CDC42BPG: variants seen among roughly 807,000 people sequenced by gnomAD.
CDC42BPG encodes serine/threonine-protein kinase MRCK gamma.
In CDC42BPG, 157 loss-of-function variants were observed where a neutral mutation model predicts 192.2. The ratio of observed to expected loss-of-function variants is 0.82; its 90% CI spans 0.72 to 0.93. CDC42BPG has a LOEUF of 0.93. Ranked by LOEUF, CDC42BPG falls within the 40% of genes least tolerant of loss-of-function variation. The pLI is 0.00. For synonymous variants in CDC42BPG, 981 were observed against 918.5 expected, an observed-to-expected ratio of 1.07 and a Z score of -1.23; for missense variants, 1,992 against 2,122.1, an observed-to-expected ratio of 0.94 and a Z score of 1.20.
At position 64,827,790 on chromosome 11, in the gene CDC42BPG, G is replaced by A. The variant is rs1942505161; in HGVS notation, c.3968-7C>T. Reference sequence around the variant, plus strand: ...AGGTAGGGGGCCGCATACCCTGCGGGCACGCCAGGCACCTCTGAGCTGTTT... The same window carrying A: ...AGGTAGGGGGCCGCATACCCTGCGGACACGCCAGGCACCTCTGAGCTGTTT... On this transcript the variant is annotated splice_region_variant and splice_polypyrimidine_tract_variant and intron_variant, in intron 30 of 36. Transcript: ENST00000342711. 6.3e-7 allele frequency: 1 copy of A among 1,593,522 alleles called. No individual in the cohort carries two copies. The highest frequency in any genetic ancestry group is 8.6e-7 in the Non-Finnish European group (1 of 1,169,010).
chr11:64,827,439 C>T (rs1424424304), intron 32 of CDC42BPG, 41 bp from the exon 33 acceptor site: 1 of 1,605,410 alleles, frequency 6.2e-7, no homozygotes. Flanking sequence ...TCACACATTC[C>T]CGGGGCCCAG....
intron 23 of CDC42BPG, 59 bp downstream of exon 23, chr11:64,833,541 C>A: frequency 6.7e-7 from 1 of 1,484,928 alleles, no homozygotes; most frequent in East Asian, 2.3e-5. Context: ...CCACAGTGCC[C>A]ATTCAGCCTG....
chr11:64,839,434 C>A (rs753180147), intron 6 of CDC42BPG, 44 bp downstream of exon 6: 2 of 699,948 alleles, frequency 2.9e-6, no homozygotes, highest in South Asian at 3.4e-5. Context: ...GAGAGCTTGG[C>A]CCGCCTTGTA....
chr11:64,836,536 A>G lies in CDC42BPG; in HGVS notation c.1385-6T>C, dbSNP rs767192966. The G allele has an allele frequency of 4.4e-5, 71 of 1,611,966 alleles. No individual in the cohort carries two copies. The East Asian group carries it at 8.9e-4, about 20-fold the overall frequency. ...GGCCTTGTCCCTCAGCATCTCTGCCAGGAAGAGTCACTGAGACCTCGAGTG... is the reference window on the plus strand; with the variant it reads ...GGCCTTGTCCCTCAGCATCTCTGCCGGGAAGAGTCACTGAGACCTCGAGTG... On this transcript the variant is annotated splice_region_variant and splice_polypyrimidine_tract_variant and intron_variant, in intron 11 of 36. Transcript: ENST00000342711.
In CDC42BPG at chr11:64,824,298, G is replaced by A; in HGVS notation, c.*175C>T. On this transcript the variant is annotated 3_prime_UTR_variant, in exon 37 of 37. Transcript: ENST00000342711. Reference sequence around the variant, plus strand: ...GGGTAAGGCAGGATGAGGGCTGGGAGTCAGGACCCCCAAGTCCTGGGAACC... The same window carrying A: ...GGGTAAGGCAGGATGAGGGCTGGGAATCAGGACCCCCAAGTCCTGGGAACC... The A allele has an allele frequency of 1.4e-6, 1 of 690,340 alleles. No homozygotes were observed. Among genetic ancestry groups the A allele is most frequent in the South Asian group, 1.6e-5 (1 of 61,332 alleles). 42.8% of individuals were successfully genotyped at this position (690,340 alleles called of 1,614,324 possible).
rs201204707 is a variant in CDC42BPG, at chr11:64,827,114, T to C, written c.4325A>G (p.Asn1442Ser). The C allele has an allele frequency of 4.5e-5, 72 of 1,613,958 alleles. 1 individual carries two copies. Among genetic ancestry groups the C allele is most frequent in the Non-Finnish European group, 5.7e-5 (67 of 1,179,992 alleles). The change falls in exon 34 of 37, where the codon AAC becomes AGC. Residue 1442 changes from asparagine to serine, a missense_variant. Asn to Ser is a conservative substitution (Grantham distance 46). Around this residue, in one of 2 missense-constraint regions of CDC42BPG, gnomAD observed 336 missense variants for 277.9 expected, o/e 1.21. Transcript: ENST00000342711. The part of the protein sequence containing the change: ...VRSKLISPPT[N>S]FNHLVHVGPA... The stretch of plus-strand genomic sequence containing the variant: ...GCCCACGTGTACTAGGTGGTTGAAG[T>C]TGGTAGGCGGCGAGATGAGCTTGGA...
intron 36 of CDC42BPG, 78 bp downstream of exon 36, chr11:64,826,392 C>T (rs1942416147): frequency 1.0e-6 from 1 of 980,398 alleles, no homozygotes; most frequent in Non-Finnish European, 1.6e-6. Context: ...TAGCCTAGGT[C>T]ACTGTGCAAG....
intron 28 of CDC42BPG, 64 bp from the exon 29 acceptor site, chr11:64,830,320 G>GGTGGACTGCCCAA: frequency 2.2e-6 from 3 of 1,342,342 alleles, no homozygotes; most frequent in Non-Finnish European, 3.1e-6. Flanking sequence ...AGATTGGGCA[G>GGTGGACTGCCCAA]TCCACCTGCC....
At position 64,826,760 on chromosome 11, in the gene CDC42BPG, G is replaced by A; in HGVS notation, c.4424C>T (p.Ser1475Phe). Residue 1475 changes from serine to phenylalanine, a missense_variant, in exon 35 of 37, where the codon TCC becomes TTC. This residue lies in a region of CDC42BPG where 336 missense variants were observed against 277.9 expected (regional missense o/e 1.21). Coordinates refer to ENST00000342711, the MANE Select transcript of CDC42BPG (RefSeq NM_017525.3). ...PEEKGRVARG[S>F]GPQRPHSFSE... The stretch of plus-strand genomic sequence containing the variant: ...GAAGCTGTGGGGCCGCTGTGGGCCG[G>A]AGCCGCGGGCAACTCGGCCCTTCTC... The A allele has an allele frequency of 2.0e-6, 3 of 1,532,026 alleles. No homozygotes were observed. The highest frequency in any genetic ancestry group is 2.6e-6 in the Non-Finnish European group (3 of 1,140,552). 94.9% of individuals were successfully genotyped at this position (1,532,026 alleles called of 1,614,324 possible). A position where few individuals can be genotyped will look rare whatever the true frequency, so the allele number is the denominator to read the frequency against.
intron 35 of CDC42BPG, 55 bp downstream of exon 35, chr11:64,826,616 G>A: frequency 1.3e-6 from 2 of 1,591,512 alleles, no homozygotes; most frequent in Non-Finnish European, 1.7e-6. Flanking sequence ...GATCCAAAGG[G>A]GGTAGAAACT....
chr11:64,837,091 C>G, intron 9 of CDC42BPG, 72 bp from the exon 10 acceptor site: 1 of 1,259,768 alleles, frequency 7.9e-7, no homozygotes, highest in Non-Finnish European at 1.2e-6. Flanking sequence ...CCTCCTGGAC[C>G]GAATCACTCA....
intron 1 of CDC42BPG, among the ~76,000 whole-genome samples, chr11:64,842,163 A>T (rs1943310875): frequency 6.6e-6 from 1 of 152,162 alleles, no homozygotes; most frequent in Non-Finnish European, 1.5e-5. Context: ...GACTCTAGGC[A>T]GCCTCCATCC....
chr11:64,844,597 C>T lies in CDC42BPG; in HGVS notation c.-28G>A, dbSNP rs1943423855. ...CTGCGGCCGGAGCCTCGCTGCTCGGCTACAGTCTGGCCGCCCGCATGCCCG... is the reference window on the plus strand; with the variant it reads ...CTGCGGCCGGAGCCTCGCTGCTCGGTTACAGTCTGGCCGCCCGCATGCCCG... On this transcript the variant is annotated 5_prime_UTR_variant, in exon 1 of 37. An upstream open reading frame in the 5' UTR loses its in-frame stop. Transcript: ENST00000342711. The T allele has an allele frequency of 8.0e-7, 1 of 1,248,188 alleles. No homozygotes were observed. Among genetic ancestry groups the T allele is most frequent in the African/African-American group, 1.6e-5 (1 of 63,902 alleles). The allele number at this position is 1,248,188 out of a possible 1,614,324, so 77.3% of individuals were successfully genotyped here. A position where few individuals can be genotyped will look rare whatever the true frequency, so the allele number is the denominator to read the frequency against.
chr11:64,825,292 C>G (rs944479000), intron 36 of CDC42BPG, among the ~76,000 whole-genome samples: 1 of 152,136 alleles, frequency 6.6e-6, no homozygotes, highest in African/African-American at 2.4e-5. Flanking sequence ...AAGAATGAAG[C>G]CTGACCCCCA....
At chr11:64,842,012 G>T (rs1334093555) in intron 1 of CDC42BPG, 108 bp from the exon 2 acceptor site, 1 of 862,432 alleles carries the variant, frequency 1.2e-6, no homozygotes, top group East Asian at 2.7e-5. Flanking sequence ...AGGCAGGGAT[G>T]ACCTCCCCAG....
rs1435793677 is a variant in CDC42BPG at position 64,839,482 on chromosome 11, C to A, written c.671G>T (p.Gly224Val). The A allele has an allele frequency of 2.5e-6, 4 of 1,613,156 alleles. No individual in the cohort carries two copies. The highest frequency in any genetic ancestry group is 2.2e-5 in the East Asian group (1 of 44,888). The change falls in exon 6 of 37, where the codon GGC (glycine) becomes GTC (valine). Residue 224 changes from glycine to valine, a missense_variant. Coordinates refer to ENST00000342711, the MANE Select transcript of CDC42BPG (RefSeq NM_017525.3). ...ACTCTGGGGCGGGGTCCTTACCATG[C>A]CGTTGGTGTTGAGACGCAGGCAGGA... ...FGSCLRLNTN[G>V]MVDSSVAVGT...
At position 64,838,725 on chromosome 11, in the gene CDC42BPG, A is replaced by G. The variant is rs1449399864; in HGVS notation, c.1054T>C (p.Tyr352His). The change falls in exon 8 of 37, where the codon TAT (tyrosine) becomes CAT (histidine). Residue 352 changes from tyrosine (Y) to histidine (H), a missense_variant. Physicochemically the swap from Tyr to His is moderately conservative, Grantham distance 83 (BLOSUM62 2). Transcript: ENST00000342711. ...WERLASSTAP[Y>H]IPELRGPMDT... The stretch of plus-strand genomic sequence containing the variant: ...ATGGGCCCCCGCAGCTCAGGAATAT[A>G]GGGGGCCGTGCTGCTCGCCAGCCGC... 6.2e-7 allele frequency: 1 copy of G among 1,613,060 alleles called. No homozygotes were observed. Among genetic ancestry groups the G allele is most frequent in the East Asian group, 2.2e-5 (1 of 44,878 alleles).
chr11:64,825,656 CA>C (rs1253486570), intron 36 of CDC42BPG, among the ~76,000 whole-genome samples: 2 of 152,148 alleles, frequency 1.3e-5, no homozygotes, highest in Non-Finnish European at 2.9e-5. Context: ...GACGTGGCTG[CA>C]GGGGGAATGG....
intron 36 of CDC42BPG, among the ~76,000 whole-genome samples, chr11:64,824,952 C>T (rs1204196611): frequency 6.6e-6 from 1 of 150,598 alleles, no homozygotes; most frequent in Non-Finnish European, 1.5e-5. Context: ...GACAGAGTCT[C>T]GCTCTGGAGG....
Sources: gnomAD v4.1 joint callset for allele counts (sites outside exome capture counted in the v4.1 genomes callset) on GRCh38, gnomAD v4.1.1 for gene constraint, gnomAD v4.1.1 regional missense constraint, MANE v1.5 for transcripts, NCBI Gene and HGNC (gene_info 2026-07-23, HGNC 2026-07-21) for gene names.